The following BBS9 variants were observed in gnomAD, a reference collection of about 807,000 sequenced individuals.
BBS9 encodes Bardet-Biedl syndrome 9, also known as protein PTHB1.
In BBS9, 89 loss-of-function variants were observed where a neutral mutation model predicts 117.7. The observed-to-expected ratio is 0.76, with a 90% CI of 0.64 to 0.90. BBS9 has a LOEUF of 0.90. Among genes scored for constraint, BBS9 ranks in the 40% least tolerant of loss-of-function variants. The pLI, the probability that BBS9 is intolerant of heterozygous loss-of-function variation, is 0.00. For synonymous variants in BBS9, 379 were observed against 370.9 expected (o/e 1.02, Z -0.25); for missense variants, 982 against 1,042.2 (o/e 0.94, Z 0.80).
chr7:33,429,270 T>G (rs935274304), intron 19 of BBS9, among the ~76,000 whole-genome samples: 1 of 152,052 alleles, frequency 6.6e-6, no homozygotes, highest in Admixed American at 6.6e-5. Context: ...TTTGCGTAGC[T>G]TTTGCCTTGA....
At chr7:33,544,582 G>T (rs1852974901) in intron 21 of BBS9, among the ~76,000 whole-genome samples, 2 of 152,210 alleles carry the variant, frequency 1.3e-5, no homozygotes, top group Non-Finnish European at 2.9e-5. Context: ...ACCAGTGCAT[G>T]TTCTGGTGGA....
chr7:33,358,103 T>A, intron 16 of BBS9, 108 bp downstream of exon 16: 2 of 1,417,866 alleles, frequency 1.4e-6, no homozygotes, highest in South Asian at 1.2e-5. Context: ...AATTGTTAAG[T>A]AAGAGTATAA....
intron 18 of BBS9, among the ~76,000 whole-genome samples, chr7:33,386,224 T>C (rs1825984744): frequency 6.6e-6 from 1 of 152,122 alleles, no homozygotes; most frequent in Non-Finnish European, 1.5e-5. Context: ...AAAGTTAAAA[T>C]TTCAAGTTAC....
At chr7:33,281,343 T>G (rs1239218256) in intron 9 of BBS9, among the ~76,000 whole-genome samples, 1 of 150,850 alleles carries the variant, frequency 6.6e-6, no homozygotes, top group African/African-American at 2.4e-5. Context: ...AGATATTAGT[T>G]ATTGGTATGC....
In BBS9 at chr7:33,506,830, T is replaced by C. The variant is rs544195434; in HGVS notation, c.2298+1185T>C. Among the ~76,000 whole-genome samples, 22 of 152,344 alleles carry C rather than the reference T, an allele frequency of 1.4e-4. No individual in the cohort carries two copies. In the South Asian group the frequency reaches 3.1e-3, roughly 22 times the overall value. On this transcript the variant is annotated intron_variant, in intron 20 of 22. Transcript: ENST00000242067. Reference sequence around the variant, plus strand: ...TGGTGAATGATATATTATAAGGTGATTGACAAAATTGCGACTAAAATTGAC... The same window carrying C: ...TGGTGAATGATATATTATAAGGTGACTGACAAAATTGCGACTAAAATTGAC...
At chr7:33,341,124 A>G (rs1236612490) in intron 11 of BBS9, 151 bp downstream of exon 11, 13 of 691,278 alleles carry the variant, frequency 1.9e-5, no homozygotes, top group Middle Eastern at 2.6e-4. Flanking sequence ...CTAGATAAAA[A>G]CATTAGTAGC....
At chr7:33,602,222 C>T (rs998650294) in intron 21 of BBS9, among the ~76,000 whole-genome samples, 1 of 139,178 alleles carries the variant, frequency 7.2e-6, no homozygotes, top group African/African-American at 2.9e-5. Flanking sequence ...CCCTTTTTTT[C>T]GAGGCCTACA....
intron 9 of BBS9, among the ~76,000 whole-genome samples, chr7:33,319,176 A>G (rs1811172051): frequency 2.6e-5 from 4 of 151,892 alleles, no homozygotes; most frequent in Admixed American, 2.6e-4. Flanking sequence ...AAAAAAAAAA[A>G]AGAATAATAG....
chr7:33,294,385 CCA>C (rs1562951278), intron 9 of BBS9, among the ~76,000 whole-genome samples: 19 of 151,994 alleles, frequency 1.3e-4, no homozygotes, highest in African/African-American at 4.1e-4. Context: ...ATCCATCCAT[CCA>C]TCCATCCATC....
chr7:33,529,896 T>C (rs769276852), intron 20 of BBS9, among the ~76,000 whole-genome samples: 7 of 152,242 alleles, frequency 4.6e-5, no homozygotes, highest in Non-Finnish European at 1.0e-4. Flanking sequence ...GTGCATGTAG[T>C]ATGTGTATGT....
At chr7:33,207,555 G>A (rs1428479785) in intron 5 of BBS9, among the ~76,000 whole-genome samples, 2 of 146,680 alleles carry the variant, frequency 1.4e-5, no homozygotes, top group African/African-American at 5.0e-5. Context: ...TTTTTTGTTA[G>A]CATTTCTTTA....
In BBS9 at chr7:33,470,277, A is replaced by G. The variant is rs534950061; in HGVS notation, c.2116-35186A>G. Among the ~76,000 whole-genome samples, 5 of 103,842 alleles carry G rather than the reference A, an allele frequency of 4.8e-5. No individual in the cohort carries two copies. In the South Asian group the frequency reaches 1.9e-3, roughly 39 times the overall value. 68.1% of individuals were successfully genotyped at this position (103,842 alleles called of 152,430 possible). On this transcript the variant is annotated intron_variant, in intron 19 of 22. Transcript: ENST00000242067. ...GTTTCCTAGATTTTTGTAAACATTG[A>G]ACACCAGCATTCTTTTTTTTTCTCA...
intron 4 of BBS9, among the ~76,000 whole-genome samples, chr7:33,164,734 G>C (rs1795396688): frequency 6.6e-6 from 1 of 152,106 alleles, no homozygotes; most frequent in Non-Finnish European, 1.5e-5. Flanking sequence ...CTCTGCATGT[G>C]AGATGGGTCT....
At chr7:33,611,013 G>A (rs192184034), downstream of BBS9, among the ~76,000 whole-genome samples, 343 of 152,184 alleles carry the variant, frequency 2.3e-3, 2 homozygotes, top group African/African-American at 7.8e-3. Context: ...GTTGGCTGAA[G>A]GGTCGGTTTT....
intron 21 of BBS9, among the ~76,000 whole-genome samples, chr7:33,540,585 A>G (rs1852136867): frequency 6.6e-6 from 1 of 152,212 alleles, no homozygotes; most frequent in African/African-American, 2.4e-5. Flanking sequence ...AACTTTTGTA[A>G]AAAGGCCCCG....
Position 33,280,905 on chromosome 7 carries a change from G to GTTTTTTTTTTTTTTT in BBS9, c.1016+6954_1016+6955insTTTTTTTTTTTTTTT, listed in dbSNP as rs748350404. Among the ~76,000 whole-genome samples the GTTTTTTTTTTTTTTT allele has an allele frequency of 8.4e-4, 41 of 48,772 alleles. 8 individuals are homozygous for GTTTTTTTTTTTTTTT. The highest frequency in any genetic ancestry group is 1.0e-3 in the East Asian group (2 of 1,986). 32.0% of individuals were successfully genotyped at this position (48,772 alleles called of 152,430 possible). Reference sequence around the variant, plus strand: ...GTTTAAGTTTTGCTGTTAATTTGTCGTTTTTGTTTTTTTTTTTTTTTTTTT... The same window carrying GTTTTTTTTTTTTTTT: ...GTTTAAGTTTTGCTGTTAATTTGTCGTTTTTTTTTTTTTTTTTTTTGTTTTTTTTTTTTTTTTTTT... On this transcript the variant is annotated intron_variant, in intron 9 of 22. Coordinates refer to ENST00000242067, the MANE Select transcript of BBS9 (RefSeq NM_198428.3).
At chr7:33,228,156 T>C (rs1187208360) in intron 5 of BBS9, among the ~76,000 whole-genome samples, 2 of 152,304 alleles carry the variant, frequency 1.3e-5, no homozygotes, top group East Asian at 3.9e-4. Flanking sequence ...TTTGGCTTTT[T>C]AATTGTGGTC....
intron 21 of BBS9, among the ~76,000 whole-genome samples, chr7:33,560,068 T>G (rs371110739): frequency 7.2e-5 from 11 of 152,262 alleles, no homozygotes; most frequent in Admixed American, 2.0e-4. Flanking sequence ...TATCTGGGAT[T>G]GCATTGTATT....
chr7:33,163,797 A>AT (rs1373013869), intron 4 of BBS9, among the ~76,000 whole-genome samples: 2 of 151,976 alleles, frequency 1.3e-5, no homozygotes, highest in Non-Finnish European at 1.5e-5. Context: ...GGATTCACTG[A>AT]TTTTTTGAAG....
Sources: gnomAD v4.1 joint callset for allele counts (sites outside exome capture counted in the v4.1 genomes callset) on GRCh38, gnomAD v4.1.1 for gene constraint, MANE v1.5 for transcripts, NCBI Gene and HGNC (gene_info 2026-07-23, HGNC 2026-07-21) for gene names.